Variants in NALF1 observed in about 807,000 individuals in gnomAD.
NALF1 encodes the protein family with sequence similarity 155 member A.
In NALF1, 3 loss-of-function variants were observed where a neutral mutation model predicts 48.4. The ratio of observed to expected loss-of-function variants is 0.06; its 90% CI spans 0.03 to 0.16. The LOEUF (loss-of-function observed/expected upper bound fraction) is 0.16, where lower values mean the gene tolerates loss of function less well. NALF1 is among the 10% of genes least tolerant of loss of function. The pLI is 1.00. For missense variants in NALF1, 526 were observed against 571.5 expected, an observed-to-expected ratio of 0.92 and a Z score of 0.81; for synonymous variants, 262 against 245.7, an observed-to-expected ratio of 1.07 and a Z score of -0.62.
chr13:107,823,555 C>T (rs1879420049), intron 1 of NALF1, among the ~76,000 whole-genome samples: 1 of 152,168 alleles, frequency 6.6e-6, no homozygotes, highest in Admixed American at 6.5e-5. Context: ...GCTCTGGTCT[C>T]ACTGGCTTTG....
chr13:107,269,683 T>C (rs1259812991), intron 1 of NALF1, among the ~76,000 whole-genome samples: 1 of 152,170 alleles, frequency 6.6e-6, no homozygotes, highest in Non-Finnish European at 1.5e-5. Context: ...TGTAAAGTCA[T>C]GATCATCGTT....
chr13:107,264,108 C>T (rs1483530930), intron 1 of NALF1, among the ~76,000 whole-genome samples: 1 of 152,054 alleles, frequency 6.6e-6, no homozygotes, highest in African/African-American at 2.4e-5. Context: ...TATTCAAATC[C>T]CCCAGTGTGA....
intron 2 of NALF1, among the ~76,000 whole-genome samples, chr13:107,199,099 A>T (rs1024853914): frequency 6.6e-6 from 1 of 151,698 alleles, no homozygotes. Context: ...GTCCTAGTTC[A>T]ATAGGACAGA....
At chr13:107,677,248 GT>G (rs1310764126) in intron 1 of NALF1, among the ~76,000 whole-genome samples, 1 of 152,190 alleles carries the variant, frequency 6.6e-6, no homozygotes, top group Non-Finnish European at 1.5e-5. Context: ...GGTTTGTCAT[GT>G]TGGCCAGGCT....
chr13:107,576,888 C>T (rs907941474), intron 1 of NALF1, among the ~76,000 whole-genome samples: 15 of 152,100 alleles, frequency 9.9e-5, no homozygotes, highest in South Asian at 2.1e-4. Flanking sequence ...AAATCTTCTG[C>T]GAGCAAGCCT....
chr13:107,630,040 T>A (rs1180405865), intron 1 of NALF1, among the ~76,000 whole-genome samples: 1 of 152,156 alleles, frequency 6.6e-6, no homozygotes, highest in Non-Finnish European at 1.5e-5. Flanking sequence ...ATGGCTTGGA[T>A]AGACTCTCTT....
chr13:107,647,155 T>C (rs986496751), intron 1 of NALF1, among the ~76,000 whole-genome samples: 6 of 151,956 alleles, frequency 3.9e-5, no homozygotes, highest in African/African-American at 1.2e-4. Flanking sequence ...AATTTATATA[T>C]AATAATATGA....
intron 1 of NALF1, among the ~76,000 whole-genome samples, chr13:107,515,236 G>A (rs573299868): frequency 1.3e-5 from 2 of 152,154 alleles, no homozygotes; most frequent in Non-Finnish European, 2.9e-5. Context: ...GTTCCTGAAT[G>A]ATGACAGTGA....
intron 1 of NALF1, among the ~76,000 whole-genome samples, chr13:107,621,673 T>C (rs1879520680): frequency 6.6e-6 from 1 of 152,222 alleles, no homozygotes; most frequent in Admixed American, 6.5e-5. Context: ...TCATGCCTGA[T>C]TGTAATGTCT....
At chr13:107,684,706 A>G (rs9520550) in intron 1 of NALF1, among the ~76,000 whole-genome samples, 131,813 of 152,170 alleles carry the variant, frequency 0.87, 57,761 homozygotes, top group Non-Finnish European at 0.93. Flanking sequence ...CAGTTCAGTT[A>G]TCTCTAGTGA....
intron 1 of NALF1, among the ~76,000 whole-genome samples, chr13:107,673,391 A>G (rs7999642): frequency 0.24 from 36,454 of 152,098 alleles, 4,702 homozygotes; most frequent in East Asian, 0.41. Flanking sequence ...TCTGGAAGGT[A>G]GAGGGGCTGT....
chr13:107,440,999 A>C (rs547891013), intron 1 of NALF1, among the ~76,000 whole-genome samples: 1 of 152,116 alleles, frequency 6.6e-6, no homozygotes, highest in South Asian at 2.1e-4. Flanking sequence ...TACCTAAAAG[A>C]TCTCTCTCCA....
chr13:107,621,648 G>A (rs571863904), intron 1 of NALF1, among the ~76,000 whole-genome samples: 1 of 152,268 alleles, frequency 6.6e-6, no homozygotes, highest in Non-Finnish European at 1.5e-5. Flanking sequence ...TAGGGACAAT[G>A]CACATTTCTC....
rs11543186 is a variant in NALF1, at chr13:107,170,698, G to A, written c.1176C>T (p.Thr392=). ...TGTGACAGGAGCCACTTTTCTCTACGGTCCCTTTGGATGGGTTATTTGATT... is the reference window on the plus strand; with the variant it reads ...TGTGACAGGAGCCACTTTTCTCTACAGTCCCTTTGGATGGGTTATTTGATT... ...EEKSNNPSKG[T]VEKSGSCHRT... is the part of the protein sequence containing the mutation. Residue 392 remains threonine, a synonymous_variant, in exon 3 of 3, where the codon ACC becomes ACT. Transcript: ENST00000375915. The A allele has an allele frequency of 6.2e-7, 1 of 1,614,158 alleles. No homozygotes were observed. The highest frequency in any genetic ancestry group is 1.7e-5 in the Admixed American group (1 of 60,020).
chr13:107,179,879 C>A (rs1879026850), intron 2 of NALF1, among the ~76,000 whole-genome samples: 1 of 146,252 alleles, frequency 6.8e-6, no homozygotes, highest in Admixed American at 7.0e-5. Context: ...CCCCACGTGG[C>A]CTTCCCTACA....
intron 1 of NALF1, among the ~76,000 whole-genome samples, chr13:107,852,136 C>T (rs1880336232): frequency 6.6e-6 from 1 of 151,882 alleles, no homozygotes; most frequent in African/African-American, 2.4e-5. Context: ...TAATGTGCAC[C>T]TAGAAAAAGA....
At position 107,280,893 on chromosome 13, in the gene NALF1, C is replaced by T. The variant is rs1350066751; in HGVS notation, c.916-70138G>A. Among the ~76,000 whole-genome samples the T allele has an allele frequency of 2.6e-5, 4 of 152,178 alleles. No homozygotes were observed. The East Asian group carries it at 7.7e-4, about 29-fold the overall frequency. On this transcript the variant is annotated intron_variant, in intron 1 of 2. Coordinates refer to ENST00000375915, the MANE Select transcript of NALF1 (RefSeq NM_001080396.3). ...ATTTTTCTAATGAGCTAAAGGAAGG[C>T]ACATGATCAAAAAGAGAAAGTTGTA...
chr13:107,336,602 A>G (rs1882561855), intron 1 of NALF1, among the ~76,000 whole-genome samples: 1 of 152,112 alleles, frequency 6.6e-6, no homozygotes, highest in South Asian at 2.1e-4. Flanking sequence ...GGGCAAACTC[A>G]CACACTCTCA....
intron 1 of NALF1, among the ~76,000 whole-genome samples, chr13:107,787,292 G>A (rs1021258999): frequency 1.3e-5 from 2 of 151,786 alleles, no homozygotes; most frequent in African/African-American, 2.4e-5. Context: ...CTAAAACTCT[G>A]GCCTTAAATT....
Sources: allele counts gnomAD v4.1 joint callset (sites outside exome capture counted in the v4.1 genomes callset), GRCh38; gene constraint gnomAD v4.1.1; transcripts MANE v1.5; gene names NCBI Gene and HGNC (gene_info 2026-07-23, HGNC 2026-07-21).